Variants in ST8SIA6 observed in about 807,000 individuals in gnomAD.
ST8SIA6 encodes the protein ST8 alpha-N-acetyl-neuraminide alpha-2,8-sialyltransferase 6.
A neutral mutation model predicts 33.6 loss-of-function variants in ST8SIA6; 39 were observed. That is an observed-to-expected ratio of 1.16 (90% CI 0.90 to 1.52). ST8SIA6 has a LOEUF of 1.52. ST8SIA6 is among the 40% of genes most tolerant of loss of function. The probability of loss-of-function intolerance (pLI) is 0.00; values close to 1 mark genes in which losing one functional copy is unlikely to be tolerated. For synonymous variants in ST8SIA6, 172 were observed against 167.2 expected (o/e 1.03, Z -0.22); for missense variants, 441 against 443.8 (o/e 0.99, Z 0.06).
chr10:17,445,207 C>CA (rs554212429), intron 2 of ST8SIA6, among the ~76,000 whole-genome samples: 159 of 152,114 alleles, frequency 1.0e-3, no homozygotes, highest in African/African-American at 3.7e-3. Context: ...ACATATACAA[C>CA]AAAAAATGTC....
Position 17,357,326 on chromosome 10 carries a change from C to T in ST8SIA6, c.377+2188G>A, listed in dbSNP as rs539246710. 4.4e-3 allele frequency among the ~76,000 whole-genome samples: 659 copies of T among 149,056 alleles called. 3 individuals are homozygous for T. The highest frequency in any genetic ancestry group is 8.0e-3 in the Non-Finnish European group (539 of 67,342). On this transcript the variant is annotated intron_variant, in intron 4 of 7. Coordinates refer to ENST00000377602, the MANE Select transcript of ST8SIA6 (RefSeq NM_001004470.3). ...TTTTTTTTTGTATTTTTAGTAGAGACGGGGTTCCACCATGTTGGTCAGGCT... is the reference window on the plus strand; with the variant it reads ...TTTTTTTTTGTATTTTTAGTAGAGATGGGGTTCCACCATGTTGGTCAGGCT...
chr10:17,419,653 T>C (rs1225754555), intron 2 of ST8SIA6, among the ~76,000 whole-genome samples: 2 of 152,232 alleles, frequency 1.3e-5, no homozygotes, highest in East Asian at 3.8e-4. Context: ...AAGGAAGTCA[T>C]AGACAGAAGA....
intron 2 of ST8SIA6, among the ~76,000 whole-genome samples, chr10:17,421,168 C>T (rs1179323817): frequency 3.9e-5 from 6 of 152,192 alleles, no homozygotes; most frequent in African/African-American, 1.4e-4. Context: ...TCATGACTGA[C>T]TGATGCCTAG....
At chr10:17,404,533 A>G (rs1851177684) in intron 2 of ST8SIA6, among the ~76,000 whole-genome samples, 1 of 152,256 alleles carries the variant, frequency 6.6e-6, no homozygotes, top group South Asian at 2.1e-4. Flanking sequence ...AGATGTTACT[A>G]AGTCAGTTTG....
chr10:17,401,267 A>G (rs1339840518), intron 2 of ST8SIA6, among the ~76,000 whole-genome samples: 2 of 152,240 alleles, frequency 1.3e-5, no homozygotes, highest in Non-Finnish European at 2.9e-5. Flanking sequence ...ACCACTGCTC[A>G]ACTAAATAAA....
chr10:17,347,977 T>TAAAAAAAAA (rs1554788578), intron 4 of ST8SIA6, among the ~76,000 whole-genome samples: 4 of 124,408 alleles, frequency 3.2e-5, no homozygotes, highest in East Asian at 2.7e-4. Flanking sequence ...AAAAAAAAAT[T>TAAAAAAAAA]AAAGCTGATT....
chr10:17,341,372 G>A (rs978563552), intron 4 of ST8SIA6, among the ~76,000 whole-genome samples: 4 of 152,136 alleles, frequency 2.6e-5, no homozygotes, highest in African/African-American at 4.8e-5. Flanking sequence ...GAGCAGATTC[G>A]GAGGATTCAG....
chr10:17,413,487 A>C (rs1304827171), intron 2 of ST8SIA6: 1 of 152,186 alleles, frequency 6.6e-6, no homozygotes, highest in Non-Finnish European at 1.5e-5. Context: ...TCCTGAAATT[A>C]AAATTATAGT....
At chr10:17,351,808 C>T (rs1200634429) in intron 4 of ST8SIA6, among the ~76,000 whole-genome samples, 1 of 152,158 alleles carries the variant, frequency 6.6e-6, no homozygotes, top group African/African-American at 2.4e-5. Context: ...CACAGAAAGA[C>T]AAATACAGCA....
chr10:17,357,168 C>T lies in ST8SIA6; in HGVS notation c.377+2346G>A, dbSNP rs1364870377. On this transcript the variant is annotated intron_variant, in intron 4 of 7. Coordinates refer to ENST00000377602, the MANE Select transcript of ST8SIA6 (RefSeq NM_001004470.3). ...TTCTTTTGAGACGGAGTCTCTCTGT[C>T]ATGTCACCCAGGCTAGAGGGCAATG... 3.3e-5 allele frequency among the ~76,000 whole-genome samples: 5 copies of T among 151,324 alleles called. No individual in the cohort carries two copies. In the East Asian group the frequency reaches 9.9e-4, roughly 30 times the overall value.
At chr10:17,432,991 C>T (rs1207371780) in intron 2 of ST8SIA6, among the ~76,000 whole-genome samples, 1 of 152,176 alleles carries the variant, frequency 6.6e-6, no homozygotes, top group Non-Finnish European at 1.5e-5. Context: ...TATAAATTCA[C>T]TCTGACAATG....
chr10:17,319,509 AG>A lies in ST8SIA6; in HGVS notation c.*1368del, dbSNP rs1467759694. Among the ~76,000 whole-genome samples, 2 of 152,182 alleles carry A rather than the reference AG, an allele frequency of 1.3e-5. No homozygotes were observed. The highest frequency in any genetic ancestry group is 2.9e-5 in the Non-Finnish European group (2 of 68,026). ...AAATGTCTACAATTTTCTCCACAAA[AG>A]AAAACCCGCAAACATTCTTTTTCTC... On this transcript the variant is annotated 3_prime_UTR_variant, in exon 8 of 8. Transcript: ENST00000377602.
In ST8SIA6 at chr10:17,359,558, C is replaced by G; in HGVS notation, c.333G>C (p.Gln111His). The change falls in exon 4 of 8, where the codon CAG becomes CAC. Residue 111 changes from glutamine (Q) to histidine (H), a missense_variant. By Grantham distance (24) the Gln-to-His change is conservative. Coordinates refer to ENST00000377602, the MANE Select transcript of ST8SIA6 (RefSeq NM_001004470.3). The part of the protein sequence containing the change: ...NDYLQIITDI[Q>H]SCPWKRQAEE... The stretch of plus-strand genomic sequence containing the variant: ...CTGCTTGCCGTTTCCATGGACAACT[C>G]TGTATATCTGTGATAATCTGAAGGT... 6.2e-7 allele frequency: 1 copy of G among 1,607,150 alleles called. No individual in the cohort carries two copies. Among genetic ancestry groups the G allele is most frequent in the East Asian group, 2.2e-5 (1 of 44,534 alleles).
In ST8SIA6 at chr10:17,407,236, T is replaced by C. The variant is rs189981917; in HGVS notation, c.201-16616A>G. Reference sequence around the variant, plus strand: ...TCCCTATAAATAACACTCTGACATATATGTCACCATAGTAACAATTGCTTA... The same window carrying C: ...TCCCTATAAATAACACTCTGACATACATGTCACCATAGTAACAATTGCTTA... On this transcript the variant is annotated intron_variant, in intron 2 of 7. Transcript: ENST00000377602. 7.6e-4 allele frequency among the ~76,000 whole-genome samples: 116 copies of C among 152,328 alleles called. No homozygotes were observed. In the Middle Eastern group the frequency reaches 0.014, roughly 18 times the overall value.
chr10:17,317,390 C>T lies in ST8SIA6; in HGVS notation c.*3488G>A, dbSNP rs1206288370. On this transcript the variant is annotated 3_prime_UTR_variant, in exon 8 of 8. Transcript: ENST00000377602. The stretch of plus-strand genomic sequence containing the variant: ...CGCTATGGGATCAGCCTTCTGAAGC[C>T]ACATGTAAATAGGAAATCTTCAACA... Among the ~76,000 whole-genome samples, 1 of 152,072 alleles carries T rather than the reference C, an allele frequency of 6.6e-6. No homozygotes were observed. Among genetic ancestry groups the T allele is most frequent in the Non-Finnish European group, 1.5e-5 (1 of 68,008 alleles).
chr10:17,375,427 C>T (rs1245774789), intron 3 of ST8SIA6, among the ~76,000 whole-genome samples: 1 of 152,166 alleles, frequency 6.6e-6, no homozygotes, highest in Non-Finnish European at 1.5e-5. Context: ...GTTGTTCTCT[C>T]CAGGATAATA....
intron 2 of ST8SIA6, among the ~76,000 whole-genome samples, chr10:17,421,458 C>A (rs185008331): frequency 3.2e-4 from 49 of 152,338 alleles, no homozygotes; most frequent in Middle Eastern, 3.4e-3. Flanking sequence ...ACCTGTGCTT[C>A]TAACAGGCAT....
intron 2 of ST8SIA6, among the ~76,000 whole-genome samples, chr10:17,432,597 C>A (rs1268873617): frequency 6.6e-6 from 1 of 152,206 alleles, no homozygotes; most frequent in African/African-American, 2.4e-5. Flanking sequence ...ACACACTTTT[C>A]AGCTTTTCAA....
At chr10:17,324,708 TACAC>T (rs6143806) in intron 6 of ST8SIA6, among the ~76,000 whole-genome samples, 42 of 139,944 alleles carry the variant, frequency 3.0e-4, no homozygotes, top group South Asian at 4.5e-4. Flanking sequence ...ATATAGAGTA[TACAC>T]ACACACACAC....
Sources: gnomAD v4.1 joint callset for allele counts (sites outside exome capture counted in the v4.1 genomes callset) on GRCh38, gnomAD v4.1.1 for gene constraint, MANE v1.5 for transcripts, NCBI Gene and HGNC (gene_info 2026-07-23, HGNC 2026-07-21) for gene names.